The following CFAP298 variants were observed in gnomAD, a reference collection of about 807,000 sequenced individuals.
CFAP298 encodes cilia and flagella associated protein 298, also known as cilia- and flagella-associated protein 298.
CFAP298 carries 38 observed loss-of-function variants against 41.0 expected under a neutral mutation model. That is an observed-to-expected ratio of 0.93 (90% confidence interval 0.72 to 1.22). The LOEUF (loss-of-function observed/expected upper bound fraction) is 1.22, where lower values mean the gene tolerates loss of function less well. CFAP298 is among the 50% of genes most tolerant of loss of function. CFAP298 has a pLI of 0.00. For synonymous variants in CFAP298, 137 were observed against 135.3 expected, an observed-to-expected ratio of 1.01 and a Z score of -0.09; for missense variants, 348 against 360.3, an observed-to-expected ratio of 0.97 and a Z score of 0.28.
rs998066336 is a variant in CFAP298, at chr21:32,601,052, G to C, written c.*811C>G. Among the ~76,000 whole-genome samples, 1 of 151,342 alleles carries C rather than the reference G, an allele frequency of 6.6e-6. No homozygotes were observed. The highest frequency in any genetic ancestry group is 1.5e-5 in the Non-Finnish European group (1 of 67,980). On this transcript the variant is annotated 3_prime_UTR_variant, in exon 7 of 7. Transcript: ENST00000290155. The stretch of plus-strand genomic sequence containing the variant: ...GCAGGGTTAAAGAAGGCTACAGTTA[G>C]ACCCCGCAGCAGGGTTAAAGAAGGC...
chr21:32,601,861 C>G lies in CFAP298; in HGVS notation c.*2G>C. ...TTTGGAAGTGTCATCAGCTGGTGAA[C>G]TTCATCTTGGTCTCCACTTTATGTC... is the stretch of plus-strand genomic sequence containing the variant. On this transcript the variant is annotated 3_prime_UTR_variant, in exon 7 of 7. Transcript: ENST00000290155. 1 of 1,548,524 alleles carries G rather than the reference C, an allele frequency of 6.5e-7. No homozygotes were observed. Among genetic ancestry groups the G allele is most frequent in the Non-Finnish European group, 8.9e-7 (1 of 1,121,658 alleles).
chr21:32,608,921 T>C (rs947034632), intron 2 of CFAP298, among the ~76,000 whole-genome samples: 1 of 152,238 alleles, frequency 6.6e-6, no homozygotes, highest in African/African-American at 2.4e-5. Flanking sequence ...GTTCTTTTAC[T>C]CCTAACAGTG....
chr21:32,612,079 G>C (rs1024833233), intron 1 of CFAP298, 26 bp downstream of exon 1: 55 of 1,539,172 alleles, frequency 3.6e-5, no homozygotes, highest in Non-Finnish European at 4.6e-5. Context: ...CGATCTGTCC[G>C]GGATGGGCCC....
At chr21:32,606,430 G>A (rs1032654513) in intron 3 of CFAP298, among the ~76,000 whole-genome samples, 3 of 152,164 alleles carry the variant, frequency 2.0e-5, no homozygotes, top group Non-Finnish European at 4.4e-5. Context: ...TGAGGCGACC[G>A]AGAGAGGAGT....
chr21:32,603,138 A>G lies in CFAP298; in HGVS notation c.666+23T>C, dbSNP rs756231234. The G allele has an allele frequency of 2.5e-6, 4 of 1,613,864 alleles. No homozygotes were observed. The African/African-American group carries it at 5.3e-5, about 22-fold the overall frequency. On this transcript the variant is annotated intron_variant, in intron 5 of 6. Transcript: ENST00000290155. ...AAGGGAAATAACAAAAACTACTGACACATTAAAGCAAAAAGTACTTACTTG... is the reference window on the plus strand; with the variant it reads ...AAGGGAAATAACAAAAACTACTGACGCATTAAAGCAAAAAGTACTTACTTG...
At chr21:32,606,283 CA>C (rs2038865049) in intron 3 of CFAP298, among the ~76,000 whole-genome samples, 1 of 152,120 alleles carries the variant, frequency 6.6e-6, no homozygotes, top group Non-Finnish European at 1.5e-5. Context: ...AGCAAGATGT[CA>C]GGGGGAAAGG....
At position 32,612,268 on chromosome 21, in the gene CFAP298, C is replaced by A. The variant is rs1568999408; in HGVS notation, c.-25G>T. The A allele has an allele frequency of 6.9e-7, 1 of 1,457,140 alleles. No homozygotes were observed. Among genetic ancestry groups the A allele is most frequent in the Non-Finnish European group, 9.5e-7 (1 of 1,053,718 alleles). The allele number at this position is 1,457,140 out of a possible 1,614,324, so 90.3% of individuals were successfully genotyped here. A position where few individuals can be genotyped will look rare whatever the true frequency, so the allele number is the denominator to read the frequency against. ...TGGCGGTCCCGCCGAGGTACTGAGGCGTTGAGAAGGCCCCGGCTGCGTGGC... is the reference window on the plus strand; with the variant it reads ...TGGCGGTCCCGCCGAGGTACTGAGGAGTTGAGAAGGCCCCGGCTGCGTGGC... On this transcript the variant is annotated 5_prime_UTR_variant, in exon 1 of 7. Transcript: ENST00000290155.
intron 3 of CFAP298, among the ~76,000 whole-genome samples, chr21:32,606,503 G>A (rs965083075): frequency 6.6e-6 from 1 of 152,120 alleles, no homozygotes; most frequent in Admixed American, 6.5e-5. Flanking sequence ...TTCTTGCCAT[G>A]GCCTGAGACG....
intron 3 of CFAP298, among the ~76,000 whole-genome samples, chr21:32,606,020 C>G (rs745585425): frequency 5.9e-5 from 9 of 152,216 alleles, no homozygotes; most frequent in Admixed American, 2.0e-4. Flanking sequence ...AACCCCACTT[C>G]AAACCTAGAG....
Position 32,612,354 on chromosome 21 carries a change from G to A in CFAP298, c.-111C>T, listed in dbSNP as rs1371932079. 8 of 1,439,506 alleles carry A rather than the reference G, an allele frequency of 5.6e-6. No individual in the cohort carries two copies. The highest frequency in any genetic ancestry group is 7.3e-6 in the Non-Finnish European group (8 of 1,098,544). The allele number at this position is 1,439,506 out of a possible 1,614,324, so 89.2% of individuals were successfully genotyped here. On this transcript the variant is annotated 5_prime_UTR_variant, in exon 1 of 7. Transcript: ENST00000290155. ...CAGCAGCTGCGACGCACTAACAGCC[G>A]CTCACAGTCCGGAATCCCACGCTCC...
Position 32,607,870 on chromosome 21 carries a change from C to T in CFAP298, c.308-154G>A, listed in dbSNP as rs13050429. Among the ~76,000 whole-genome samples, 2,922 of 152,232 alleles carry T rather than the reference C, an allele frequency of 0.019. 62 individuals are homozygous for T. Among genetic ancestry groups the T allele is most frequent in the Non-Finnish European group, 0.026 (1,785 of 68,006 alleles). ...GGAAGAGAAGCAAGAAACCTGGCTG[C>T]CGGAAGTTAGGTGAAGACCTCTTCC... On this transcript the variant is annotated intron_variant, in intron 2 of 6. Transcript: ENST00000290155.
At position 32,601,288 on chromosome 21, in the gene CFAP298, C is replaced by CTTTTT. The variant is rs1158009254; in HGVS notation, c.*570_*574dup. Among the ~76,000 whole-genome samples the CTTTTT allele has an allele frequency of 1.6e-3, 144 of 92,280 alleles. 3 individuals carry two copies. The highest frequency in any genetic ancestry group is 5.4e-3 in the African/African-American group (118 of 22,024). 60.5% of individuals were successfully genotyped at this position (92,280 alleles called of 152,430 possible). A position where few individuals can be genotyped will look rare whatever the true frequency, so the allele number is the denominator to read the frequency against. The stretch of plus-strand genomic sequence containing the variant: ...CAATCAGGAAGAAAAAAAAGTGTAG[C>CTTTTT]TTTTTTTTTTTTTTTTTTTTTTTTT... On this transcript the variant is annotated 3_prime_UTR_variant, in exon 7 of 7. Transcript: ENST00000290155.
chr21:32,609,852 C>G lies in CFAP298; in HGVS notation c.293G>C (p.Arg98Pro), dbSNP rs762660612. The change falls in exon 2 of 7, where the codon CGA becomes CCA. Residue 98 changes from arginine to proline, a missense_variant. Physicochemically the swap from Arg to Pro is moderately radical, Grantham distance 103. Coordinates refer to ENST00000290155, the MANE Select transcript of CFAP298 (RefSeq NM_021254.4). The part of the protein sequence containing the change: ...GAVFKKDDIG[R>P]RNGQAPNEKM... ...TCCTCACTTACCTTGCCCATTCCTT[C>G]GTCCAATATCATCCTTTTTAAACAC... is the stretch of plus-strand genomic sequence containing the variant. 1 of 1,613,422 alleles carries G rather than the reference C, an allele frequency of 6.2e-7. No homozygotes were observed. Among genetic ancestry groups the G allele is most frequent in the African/African-American group, 1.3e-5 (1 of 74,930 alleles).
intron 2 of CFAP298, 123 bp from the exon 3 acceptor site, chr21:32,607,839 AT>A: frequency 1.6e-6 from 1 of 617,104 alleles, no homozygotes; most frequent in Admixed American, 3.3e-5. Flanking sequence ...CGAGTGTGGA[AT>A]TTAGGGAAGA....
At chr21:32,604,338 C>A in intron 3 of CFAP298, 55 bp from the exon 4 acceptor site, 1 of 1,594,854 alleles carries the variant, frequency 6.3e-7, no homozygotes, top group African/African-American at 1.3e-5. Context: ...TCCATAAATT[C>A]GATCAAGATC....
chr21:32,610,235 C>G (rs369636196), intron 1 of CFAP298, among the ~76,000 whole-genome samples: 3 of 151,894 alleles, frequency 2.0e-5, no homozygotes, highest in East Asian at 1.9e-4. Flanking sequence ...CTCCCTCTGT[C>G]ACCCAGGCAG....
At chr21:32,611,368 A>G (rs1193685049) in intron 1 of CFAP298, among the ~76,000 whole-genome samples, 1 of 145,080 alleles carries the variant, frequency 6.9e-6, no homozygotes, top group Non-Finnish European at 1.5e-5. Flanking sequence ...ATACATATAT[A>G]TAATTTATTT....
At position 32,602,198 on chromosome 21, in the gene CFAP298, C is replaced by T. The variant is rs778861616; in HGVS notation, c.762+74G>A. 7.7e-6 allele frequency: 11 copies of T among 1,437,428 alleles called. 1 individual carries two copies. The African/African-American group carries it at 1.5e-4, about 20-fold the overall frequency. The allele number at this position is 1,437,428 out of a possible 1,614,324, so 89.0% of individuals were successfully genotyped here. ...GCATTCTGCAGAGCTCACTGCTCCC[C>T]AGCAGCCCCAGGTAAGGCACACAGG... On this transcript the variant is annotated intron_variant, in intron 6 of 6. Coordinates refer to ENST00000290155, the MANE Select transcript of CFAP298 (RefSeq NM_021254.4).
At position 32,602,305 on chromosome 21, in the gene CFAP298, C is replaced by T. The variant is rs149526723; in HGVS notation, c.729G>A (p.Met243Ile). The change falls in exon 6 of 7, where the codon ATG becomes ATA. Residue 243 changes from methionine to isoleucine, a missense_variant. Met to Ile is a conservative substitution (Grantham distance 10). Transcript: ENST00000290155. ...CCTCTTGTCTTCTGTGATAGTACAG[C>T]ATCAGCTGCTTCTGCTCCTCACTGC... ...IISSEEQKQLMLYYHRRQEEL... is the reference protein window; with the variant it reads ...IISSEEQKQLILYYHRRQEEL... 6.2e-7 allele frequency: 1 copy of T among 1,614,086 alleles called. No homozygotes were observed. Among genetic ancestry groups the T allele is most frequent in the East Asian group, 2.2e-5 (1 of 44,886 alleles).
Sources: gnomAD v4.1 joint callset for allele counts (sites outside exome capture counted in the v4.1 genomes callset) on GRCh38, gnomAD v4.1.1 for gene constraint, MANE v1.5 for transcripts, NCBI Gene and HGNC (gene_info 2026-07-23, HGNC 2026-07-21) for gene names.